The following CNTNAP2 variants were observed in gnomAD, a reference collection of about 807,000 sequenced individuals.
CNTNAP2 encodes contactin-associated protein-like 2.
In CNTNAP2, 98 loss-of-function variants were observed where a neutral mutation model predicts 155.2. The ratio of observed to expected loss-of-function variants is 0.63; its 90% CI spans 0.54 to 0.75. The LOEUF (loss-of-function observed/expected upper bound fraction) is 0.75, where lower values mean the gene tolerates loss of function less well. Ranked by LOEUF, CNTNAP2 falls within the 30% of genes least tolerant of loss-of-function variation. The probability of loss-of-function intolerance (pLI) is 0.00; values close to 1 mark genes in which losing one functional copy is unlikely to be tolerated. For missense variants in CNTNAP2, 1,727 were observed against 1,688.1 expected (o/e 1.02, Z -0.40); for synonymous variants, 651 against 631.2 (o/e 1.03, Z -0.47).
intron 3 of CNTNAP2, among the ~76,000 whole-genome samples, chr7:146,858,611 C>A (rs1795037887): frequency 1.3e-5 from 2 of 152,108 alleles, no homozygotes; most frequent in Admixed American, 1.3e-4. Context: ...GGAGGATCAC[C>A]TGAGTCCAGG....
intron 21 of CNTNAP2, among the ~76,000 whole-genome samples, chr7:148,328,848 C>T (rs1390771624): frequency 6.6e-6 from 1 of 151,866 alleles, no homozygotes; most frequent in African/African-American, 2.4e-5. Flanking sequence ...TGGTGGCGCA[C>T]ACCTGTAATC....
intron 1 of CNTNAP2, among the ~76,000 whole-genome samples, chr7:146,587,222 C>T (rs978495110): frequency 6.6e-6 from 1 of 152,004 alleles, no homozygotes; most frequent in Non-Finnish European, 1.5e-5. Flanking sequence ...TATACATGGG[C>T]CTGCCTTTTT....
At chr7:147,129,571 A>C (rs1801308778) in intron 7 of CNTNAP2, among the ~76,000 whole-genome samples, 2 of 152,200 alleles carry the variant, frequency 1.3e-5, no homozygotes, top group Non-Finnish European at 2.9e-5. Context: ...CAAGACCAGG[A>C]GCTGCTTTAG....
At chr7:147,865,657 A>T (rs963378071) in intron 13 of CNTNAP2, among the ~76,000 whole-genome samples, 1 of 152,028 alleles carries the variant, frequency 6.6e-6, no homozygotes, top group African/African-American at 2.4e-5. Context: ...TAGTGTTGGG[A>T]GGGTGTATGT....
chr7:146,805,481 G>T (rs1387557661), intron 2 of CNTNAP2, among the ~76,000 whole-genome samples: 1 of 152,106 alleles, frequency 6.6e-6, no homozygotes, highest in African/African-American at 2.4e-5. Flanking sequence ...GCAGGGATGA[G>T]GAACCACTAG....
At chr7:148,146,126 G>T (rs140319510) in intron 16 of CNTNAP2, among the ~76,000 whole-genome samples, 38 of 152,212 alleles carry the variant, frequency 2.5e-4, no homozygotes, top group African/African-American at 7.9e-4. Flanking sequence ...GTCTTAAAAT[G>T]GTACCAGCCA....
At position 147,083,840 on chromosome 7, in the gene CNTNAP2, ACATAT is replaced by A. The variant is rs1584827810; in HGVS notation, c.551-24306_551-24302del. 3.5e-5 allele frequency among the ~76,000 whole-genome samples: 5 copies of A among 141,636 alleles called. No homozygotes were observed. The East Asian group carries it at 1.0e-3, about 30-fold the overall frequency. The allele number at this position is 141,636 out of a possible 152,430, so 92.9% of individuals were successfully genotyped here. A position where few individuals can be genotyped will look rare whatever the true frequency, so the allele number is the denominator to read the frequency against. The stretch of plus-strand genomic sequence containing the variant: ...ATTATATACATATACACATGTATGT[ACATAT>A]TATATACATATACACATGTATGTAC... On this transcript the variant is annotated intron_variant, in intron 4 of 23. Transcript: ENST00000361727.
chr7:147,414,671 G>T (rs897101990), intron 10 of CNTNAP2, among the ~76,000 whole-genome samples: 6 of 151,870 alleles, frequency 4.0e-5, no homozygotes, highest in Non-Finnish European at 7.4e-5. Flanking sequence ...CCCAGGTGCG[G>T]TGGCTCACGC....
intron 11 of CNTNAP2, among the ~76,000 whole-genome samples, chr7:147,494,182 G>C (rs1230269014): frequency 3.3e-5 from 5 of 152,164 alleles, no homozygotes; most frequent in African/African-American, 1.2e-4. Context: ...AAGATGGAAA[G>C]AGCTGTGAAA....
intron 1 of CNTNAP2, among the ~76,000 whole-genome samples, chr7:146,546,700 G>A (rs894224644): frequency 1.3e-5 from 2 of 151,892 alleles, no homozygotes; most frequent in Non-Finnish European, 2.9e-5. Flanking sequence ...ATGAGGGGAG[G>A]CCTCACAATC....
Position 147,889,086 on chromosome 7 carries a change from C to T in CNTNAP2, c.2099-14479C>T, listed in dbSNP as rs553357017. ...AGAATAAATATACTATGTTGAGACA[C>T]TGTTAAGTTAAATATGAAATTTAAA... is the stretch of plus-strand genomic sequence containing the variant. On this transcript the variant is annotated intron_variant, in intron 13 of 23. Transcript: ENST00000361727. Among the ~76,000 whole-genome samples the T allele has an allele frequency of 7.2e-5, 11 of 152,114 alleles. No homozygotes were observed. In the South Asian group the frequency reaches 2.1e-3, roughly 29 times the overall value.
At chr7:147,119,825 T>G (rs1801066676) in intron 5 of CNTNAP2, among the ~76,000 whole-genome samples, 2 of 152,078 alleles carry the variant, frequency 1.3e-5, no homozygotes, top group African/African-American at 4.8e-5. Context: ...GACAGTCAAT[T>G]GTTTATCTCT....
At chr7:148,281,878 C>T (rs1049499620) in intron 21 of CNTNAP2, among the ~76,000 whole-genome samples, 41 of 141,352 alleles carry the variant, frequency 2.9e-4, no homozygotes, top group African/African-American at 1.1e-3. Flanking sequence ...ACTCTGTCAC[C>T]AGGTTGGAGT....
intron 3 of CNTNAP2, among the ~76,000 whole-genome samples, chr7:147,000,653 A>G (rs915503320): frequency 6.6e-6 from 1 of 152,134 alleles, no homozygotes; most frequent in Non-Finnish European, 1.5e-5. Context: ...CATGGCTGGT[A>G]TAGTGACTGG....
At chr7:146,840,316 A>G (rs2129200686) in intron 3 of CNTNAP2, among the ~76,000 whole-genome samples, 1 of 152,336 alleles carries the variant, frequency 6.6e-6, no homozygotes, top group Middle Eastern at 3.4e-3. Context: ...TTAAGAAAAG[A>G]ACTTGTCCAT....
intron 11 of CNTNAP2, among the ~76,000 whole-genome samples, chr7:147,511,459 A>ATT (rs36064860): frequency 0.022 from 3,296 of 146,888 alleles, 102 homozygotes; most frequent in African/African-American, 0.064. Flanking sequence ...TTAAAACAAC[A>ATT]TTTTTTTTTT....
chr7:146,369,052 C>CACAT (rs1795196399), intron 1 of CNTNAP2, among the ~76,000 whole-genome samples: 1 of 66,384 alleles, frequency 1.5e-5, no homozygotes, highest in South Asian at 3.8e-4. Flanking sequence ...TATATATATA[C>CACAT]ATATATATAT....
intron 11 of CNTNAP2, among the ~76,000 whole-genome samples, chr7:147,508,746 G>T (rs1798960772): frequency 6.6e-6 from 1 of 152,124 alleles, no homozygotes; most frequent in Non-Finnish European, 1.5e-5. Context: ...GAGATCTGAT[G>T]ATTTTTTAAA....
chr7:146,531,029 C>T (rs801942), intron 1 of CNTNAP2, among the ~76,000 whole-genome samples: 4,327 of 152,232 alleles, frequency 0.028, 203 homozygotes, highest in African/African-American at 0.098. Context: ...TTTTATACAC[C>T]GTGGAATACT....
Sources: allele counts gnomAD v4.1 joint callset (sites outside exome capture counted in the v4.1 genomes callset), GRCh38; gene constraint gnomAD v4.1.1; transcripts MANE v1.5; gene names NCBI Gene and HGNC (gene_info 2026-07-23, HGNC 2026-07-21).